The following TSEN2 variants were observed in gnomAD, a reference collection of about 807,000 sequenced individuals.
TSEN2 encodes tRNA splicing endonuclease subunit 2, also known as tRNA-splicing endonuclease subunit Sen2.
In TSEN2, 54 loss-of-function variants were observed where a neutral mutation model predicts 59.2. The observed-to-expected ratio is 0.91, with a 90% confidence interval of 0.73 to 1.14. The LOEUF is 1.14. Among genes scored for constraint, TSEN2 ranks in the 50% most tolerant of loss-of-function variants. TSEN2 has a pLI of 0.00. For synonymous variants in TSEN2, 195 were observed against 198.2 expected (o/e 0.98, Z 0.14); for missense variants, 636 against 576.2 (o/e 1.10, Z -1.06).
intron 11 of TSEN2, among the ~76,000 whole-genome samples, 180 bp from the exon 12 acceptor site, chr3:12,532,482 T>C (rs2125263202): frequency 6.6e-6 from 1 of 152,356 alleles, no homozygotes; most frequent in East Asian, 1.9e-4. Context: ...AGATACTGTA[T>C]GCTTGTAAGG....
At chr3:12,517,014 C>T (rs2056191871) in intron 7 of TSEN2, among the ~76,000 whole-genome samples, 1 of 152,186 alleles carries the variant, frequency 6.6e-6, no homozygotes, top group African/African-American at 2.4e-5. Context: ...AGGTACTTTA[C>T]ACGCAATATT....
chr3:12,534,989 C>A (rs1318395047), downstream of TSEN2, among the ~76,000 whole-genome samples: 1 of 151,622 alleles, frequency 6.6e-6, no homozygotes, highest in Admixed American at 6.6e-5. Context: ...ACAAAAAAAA[C>A]CTGAAGTTTC....
upstream of TSEN2, among the ~76,000 whole-genome samples, chr3:12,482,961 T>A (rs1306365220): frequency 6.6e-6 from 1 of 152,218 alleles, no homozygotes; most frequent in Non-Finnish European, 1.5e-5. Context: ...CAAAGCTCTT[T>A]GATTTTGGTT....
intron 1 of TSEN2, among the ~76,000 whole-genome samples, chr3:12,487,973 G>A (rs1448157176): frequency 3.9e-5 from 6 of 152,122 alleles, no homozygotes; most frequent in Non-Finnish European, 2.9e-5. Flanking sequence ...CCAACTTCCC[G>A]ATTCTTCTTT....
At position 12,519,135 on chromosome 3, in the gene TSEN2, A is replaced by G. The variant is rs1477347690; in HGVS notation, c.1037A>G (p.Tyr346Cys). The change falls in exon 8 of 12, where the codon TAC becomes TGC. Residue 346 changes from tyrosine (Y) to cysteine (C), a missense_variant. Coordinates refer to ENST00000284995, the MANE Select transcript of TSEN2 (RefSeq NM_025265.4). ...QPTFRTTYMA[Y>C]HYFRSKGWVP... is the part of the protein sequence containing the mutation. ...ACGTTCAGAACCACCTACATGGCCT[A>G]CCATTACTTTCGAAGCAAGGGCTGG... The G allele has an allele frequency of 1.2e-6, 2 of 1,614,222 alleles. No individual in the cohort carries two copies. Among genetic ancestry groups the G allele is most frequent in the Non-Finnish European group, 1.7e-6 (2 of 1,180,038 alleles).
rs771052907 is a variant in TSEN2 at position 12,503,591 on chromosome 3, A to G, written c.638A>G (p.Asp213Gly). The change falls in exon 5 of 12, where the codon GAT (aspartate) becomes GGT (glycine). Residue 213 changes from aspartate to glycine, a missense_variant. By Grantham distance (94) the Asp-to-Gly change is moderately conservative. Transcript: ENST00000284995. ...AGCTTTGAGAAAAGCGTGCGAGAGG[A>G]TGCCTCACCTCTGCCCCATGTCTGT... Reference protein sequence around the residue: ...TESFEKSVREDASPLPHVCCC... With the variant: ...TESFEKSVREGASPLPHVCCC... The G allele has an allele frequency of 1.3e-6, 2 of 1,598,930 alleles. No homozygotes were observed. Among genetic ancestry groups the G allele is most frequent in the Non-Finnish European group, 1.7e-6 (2 of 1,170,642 alleles).
At chr3:12,506,771 C>T (rs2054883962) in intron 6 of TSEN2, 13 of 985,206 alleles carry the variant, frequency 1.3e-5, no homozygotes, top group Non-Finnish European at 1.6e-5. Flanking sequence ...CCCTCTTCTC[C>T]AGGAGCTCTG....
At chr3:12,482,063 A>G (rs1277340087), upstream of TSEN2, among the ~76,000 whole-genome samples, 2 of 152,218 alleles carry the variant, frequency 1.3e-5, no homozygotes, top group Non-Finnish European at 2.9e-5. Context: ...CAAGGAGATA[A>G]AAGTGTGTAT....
At chr3:12,524,300 A>G (rs1371391179) in intron 8 of TSEN2, among the ~76,000 whole-genome samples, 2 of 152,188 alleles carry the variant, frequency 1.3e-5, no homozygotes, top group African/African-American at 4.8e-5. Flanking sequence ...TAGGGCTTAT[A>G]AGAAATTACC....
At chr3:12,532,597 CTGTGGTGTCAGA>C in intron 11 of TSEN2, 53 bp from the exon 12 acceptor site, 1 of 1,509,790 alleles carries the variant, frequency 6.6e-7, no homozygotes, top group South Asian at 1.1e-5. Flanking sequence ...GTGGTGTCAG[CTGTGGTGTCAGA>C]ATGGTCTTAC....
At position 12,503,904 on chromosome 3, in the gene TSEN2, G is replaced by A. The variant is rs112610496; in HGVS notation, c.831+120G>A. ...CCTGTTGTAGGGTCCAAGGGAAGCAGCAGGCTTTGGGCCACAGCAGCTGTG... is the reference window on the plus strand; with the variant it reads ...CCTGTTGTAGGGTCCAAGGGAAGCAACAGGCTTTGGGCCACAGCAGCTGTG... On this transcript the variant is annotated intron_variant, in intron 5 of 11. Coordinates refer to ENST00000284995, the MANE Select transcript of TSEN2 (RefSeq NM_025265.4). 50 of 1,336,934 alleles carry A rather than the reference G, an allele frequency of 3.7e-5. 1 individual carries two copies. In the African/African-American group the frequency reaches 4.3e-4, roughly 12 times the overall value. The allele number at this position is 1,336,934 out of a possible 1,614,324, so 82.8% of individuals were successfully genotyped here. A position where few individuals can be genotyped will look rare whatever the true frequency, so the allele number is the denominator to read the frequency against.
chr3:12,501,205 G>A (rs1399229892), intron 4 of TSEN2, among the ~76,000 whole-genome samples: 2 of 152,116 alleles, frequency 1.3e-5, no homozygotes. Flanking sequence ...TCTTTTTGCT[G>A]GTTTTAAAAG....
chr3:12,510,127 A>G (rs2055277885), intron 6 of TSEN2, among the ~76,000 whole-genome samples: 2 of 152,212 alleles, frequency 1.3e-5, no homozygotes, highest in Non-Finnish European at 2.9e-5. Flanking sequence ...AAAAGCCACC[A>G]TTGAATTGAG....
intron 8 of TSEN2, among the ~76,000 whole-genome samples, chr3:12,526,178 CTATA>C (rs2057066906): frequency 6.6e-6 from 1 of 150,988 alleles, no homozygotes; most frequent in South Asian, 2.1e-4. Flanking sequence ...GTCTCTCTCT[CTATA>C]TATGTGTATA....
intron 7 of TSEN2, among the ~76,000 whole-genome samples, chr3:12,518,691 G>A (rs546343695): frequency 6.9e-6 from 1 of 144,700 alleles, no homozygotes; most frequent in African/African-American, 2.6e-5. Context: ...TATTGAAATA[G>A]TTTATATTCT....
chr3:12,490,470 C>G (rs2053105544), intron 2 of TSEN2, among the ~76,000 whole-genome samples: 3 of 152,146 alleles, frequency 2.0e-5, no homozygotes, highest in Admixed American at 2.0e-4. Flanking sequence ...GGGACCTCTT[C>G]TCAGATGAGG....
chr3:12,534,105 A>G (rs1397014848), downstream of TSEN2, among the ~76,000 whole-genome samples: 2 of 152,286 alleles, frequency 1.3e-5, no homozygotes, highest in Non-Finnish European at 2.9e-5. Context: ...AGTCAGAAAT[A>G]GAGCCCTGTT....
At chr3:12,501,384 A>G (rs76090738) in intron 4 of TSEN2, among the ~76,000 whole-genome samples, 3,732 of 152,316 alleles carry the variant, frequency 0.025, 66 homozygotes, top group South Asian at 0.059. Flanking sequence ...ACTGACTCTC[A>G]GGTATTAGGG....
At chr3:12,526,445 C>T (rs1028671461) in intron 8 of TSEN2, among the ~76,000 whole-genome samples, 21 of 152,186 alleles carry the variant, frequency 1.4e-4, no homozygotes, top group Admixed American at 5.9e-4. Context: ...AGCACAGTCA[C>T]GTGCTGAACA....
Sources: gnomAD v4.1 joint callset for allele counts (sites outside exome capture counted in the v4.1 genomes callset) on GRCh38, gnomAD v4.1.1 for gene constraint, MANE v1.5 for transcripts, NCBI Gene and HGNC (gene_info 2026-07-23, HGNC 2026-07-21) for gene names.